ARHGAP10: variants seen among roughly 807,000 people sequenced by gnomAD.
ARHGAP10 encodes rho GTPase-activating protein 10.
In ARHGAP10, 87 loss-of-function variants were observed where a neutral mutation model predicts 108.6. The observed-to-expected ratio is 0.80, with a 90% CI of 0.67 to 0.96. The LOEUF (loss-of-function observed/expected upper bound fraction) is 0.96, where lower values mean the gene tolerates loss of function less well. Among genes scored for constraint, ARHGAP10 ranks in the 40% least tolerant of loss-of-function variants. The pLI is 0.00. For missense variants in ARHGAP10, 939 were observed against 954.5 expected, an observed-to-expected ratio of 0.98 and a Z score of 0.21; for synonymous variants, 347 against 341.1, an observed-to-expected ratio of 1.02 and a Z score of -0.19.
At chr4:147,789,221 T>C (rs1271852235) in intron 1 of ARHGAP10, among the ~76,000 whole-genome samples, 1 of 152,202 alleles carries the variant, frequency 6.6e-6, no homozygotes, top group Non-Finnish European at 1.5e-5. Context: ...ATAATTATTA[T>C]CTAAGCAATA....
At chr4:147,775,395 G>A (rs1355974643) in intron 1 of ARHGAP10, among the ~76,000 whole-genome samples, 1 of 152,206 alleles carries the variant, frequency 6.6e-6, no homozygotes, top group Non-Finnish European at 1.5e-5. Context: ...AGAGCTGTGT[G>A]TGAGAGGCTG....
intron 19 of ARHGAP10, among the ~76,000 whole-genome samples, chr4:148,045,540 G>A (rs558062419): frequency 6.6e-6 from 1 of 151,922 alleles, no homozygotes; most frequent in Non-Finnish European, 1.5e-5. Flanking sequence ...TCAGGAGTTC[G>A]AGACCAGCCT....
intron 5 of ARHGAP10, among the ~76,000 whole-genome samples, chr4:147,860,553 T>C (rs1280539353): frequency 6.6e-6 from 1 of 152,220 alleles, no homozygotes; most frequent in African/African-American, 2.4e-5. Flanking sequence ...TCTATGTTTA[T>C]TGGGCATAAT....
chr4:147,944,910 A>G (rs1738312746), intron 14 of ARHGAP10, among the ~76,000 whole-genome samples: 1 of 152,152 alleles, frequency 6.6e-6, no homozygotes, highest in Non-Finnish European at 1.5e-5. Flanking sequence ...GTGACTCAGC[A>G]GTGGCAATAA....
intron 3 of ARHGAP10, among the ~76,000 whole-genome samples, chr4:147,834,047 A>G (rs1560781564): frequency 1.3e-5 from 2 of 152,234 alleles, no homozygotes; most frequent in African/African-American, 2.4e-5. Context: ...ACCTGCAACT[A>G]GGTAAATAAA....
chr4:148,022,312 T>C (rs1266778028), intron 18 of ARHGAP10, among the ~76,000 whole-genome samples: 5 of 152,244 alleles, frequency 3.3e-5, no homozygotes, highest in African/African-American at 9.6e-5. Flanking sequence ...TTGTGGGTTT[T>C]ATATTCATGT....
chr4:147,825,148 A>T (rs1030615536), intron 3 of ARHGAP10, among the ~76,000 whole-genome samples: 1 of 147,674 alleles, frequency 6.8e-6, no homozygotes, highest in South Asian at 2.2e-4. Flanking sequence ...ACTGATTTGG[A>T]TTTAAAAAGT....
At chr4:147,741,795 C>CAA (rs1256487061) in intron 1 of ARHGAP10, among the ~76,000 whole-genome samples, 1 of 33,006 alleles carries the variant, frequency 3.0e-5, no homozygotes, top group African/African-American at 6.4e-5. Context: ...CACACACGCA[C>CAA]ACACACACAC....
intron 22 of ARHGAP10, among the ~76,000 whole-genome samples, chr4:148,071,482 GGT>G (rs1730175287): frequency 6.6e-6 from 1 of 152,226 alleles, no homozygotes; most frequent in Non-Finnish European, 1.5e-5. Context: ...CAGGCATGGT[GGT>G]GCGTGCCTGT....
chr4:148,065,907 A>G (rs1729848943), intron 22 of ARHGAP10, among the ~76,000 whole-genome samples: 1 of 141,522 alleles, frequency 7.1e-6, no homozygotes, highest in Admixed American at 7.8e-5. Context: ...GCTACTGCAG[A>G]GGCTGAGGCA....
At chr4:147,974,718 T>C (rs1269995559) in intron 18 of ARHGAP10, among the ~76,000 whole-genome samples, 1 of 152,212 alleles carries the variant, frequency 6.6e-6, no homozygotes, top group Non-Finnish European at 1.5e-5. Context: ...TAGTCTGTTT[T>C]CAGGCTGCTG....
rs1330457683 is a variant in ARHGAP10, at chr4:147,784,149, ACATAACATTAAATTGTGTATTATATAT to A, written c.155-38577_155-38551del. Among the ~76,000 whole-genome samples the A allele has an allele frequency of 2.2e-3, 206 of 92,578 alleles. 14 individuals are homozygous for A. The highest frequency in any genetic ancestry group is 7.9e-3 in the African/African-American group (189 of 24,010). The allele number at this position is 92,578 out of a possible 152,430, so 60.7% of individuals were successfully genotyped here. A position where few individuals can be genotyped will look rare whatever the true frequency, so the allele number is the denominator to read the frequency against. ...CATTAAATTGTGTATTATATATTTT[ACATAACATTAAATTGTGTATTATATAT>A]TTTACATAACATTAAATTGTGTATT... On this transcript the variant is annotated intron_variant, in intron 1 of 22. Transcript: ENST00000336498.
chr4:147,787,145 G>A (rs1560758391), intron 1 of ARHGAP10, among the ~76,000 whole-genome samples: 2 of 152,174 alleles, frequency 1.3e-5, no homozygotes, highest in South Asian at 4.1e-4. Context: ...GAAGATCAGG[G>A]TTGTCACATA....
At chr4:148,033,658 T>G (rs1232068030) in intron 19 of ARHGAP10, among the ~76,000 whole-genome samples, 1 of 152,212 alleles carries the variant, frequency 6.6e-6, no homozygotes, top group African/African-American at 2.4e-5. Flanking sequence ...ATGTTTCAGC[T>G]TAACTCCGAA....
intron 18 of ARHGAP10, among the ~76,000 whole-genome samples, chr4:148,007,482 C>T (rs1182089687): frequency 6.6e-6 from 1 of 152,168 alleles, no homozygotes; most frequent in South Asian, 2.1e-4. Context: ...ACTTGGCTTA[C>T]GTAGCTTGAT....
At chr4:147,842,869 A>G (rs1733470697) in intron 3 of ARHGAP10, among the ~76,000 whole-genome samples, 1 of 152,202 alleles carries the variant, frequency 6.6e-6, no homozygotes, top group Non-Finnish European at 1.5e-5. Context: ...AAAATCCCAC[A>G]ATAAGGCAGA....
chr4:148,045,462 C>G (rs1578822441), intron 19 of ARHGAP10, among the ~76,000 whole-genome samples: 1 of 152,240 alleles, frequency 6.6e-6, no homozygotes, highest in South Asian at 2.1e-4. Flanking sequence ...ATCCATCTGG[C>G]TGGGTGCAGT....
chr4:147,736,772 CTA>C (rs1344990977), intron 1 of ARHGAP10, among the ~76,000 whole-genome samples: 1 of 152,162 alleles, frequency 6.6e-6, no homozygotes, highest in Admixed American at 6.5e-5. Context: ...GGTTAAGAAA[CTA>C]TAAGTCCGTT....
chr4:147,993,228 A>G (rs1428964791), intron 18 of ARHGAP10, among the ~76,000 whole-genome samples: 1 of 152,220 alleles, frequency 6.6e-6, no homozygotes, highest in Non-Finnish European at 1.5e-5. Flanking sequence ...AGCAGAGTCA[A>G]ACCTAATCAT....
Sources: allele counts gnomAD v4.1 joint callset (sites outside exome capture counted in the v4.1 genomes callset), GRCh38; gene constraint gnomAD v4.1.1; transcripts MANE v1.5; gene names NCBI Gene and HGNC (gene_info 2026-07-23, HGNC 2026-07-21).